The following HPCAL1 variants were observed in gnomAD, a reference collection of about 807,000 sequenced individuals.
HPCAL1 encodes hippocalcin like 1.
In HPCAL1, 8 loss-of-function variants were observed where a neutral mutation model predicts 17.1. That is an observed-to-expected ratio of 0.47 (90% CI 0.27 to 0.84). The LOEUF (loss-of-function observed/expected upper bound fraction) is 0.84, where lower values mean the gene tolerates loss of function less well. HPCAL1 is among the 40% of genes least tolerant of loss of function. The pLI, the probability that HPCAL1 is intolerant of heterozygous loss-of-function variation, is 0.13. For missense variants in HPCAL1, 165 were observed against 271.1 expected (o/e 0.61, Z 2.75); for synonymous variants, 112 against 111.4 (o/e 1.01, Z -0.03).
chr2:10,323,218 C>T lies in HPCAL1; in HGVS notation c.-111+20041C>T, dbSNP rs189732866. 1.3e-5 allele frequency among the ~76,000 whole-genome samples: 2 copies of T among 152,328 alleles called. No homozygotes were observed. Among genetic ancestry groups the T allele is most frequent in the African/African-American group, 4.8e-5 (2 of 41,582 alleles). Reference sequence around the variant, plus strand: ...GAGTCCCAGCGTGTATGCATGGGGTCACGGTGCTCCACGCTCTCAACCGTT... The same window carrying T: ...GAGTCCCAGCGTGTATGCATGGGGTTACGGTGCTCCACGCTCTCAACCGTT... On this transcript the variant is annotated intron_variant, in intron 1 of 4. Transcript: ENST00000307845. The surrounding 1 kb of genome is among the most constrained non-coding windows in gnomAD (Gnocchi z 4.6).
intron 1 of HPCAL1, among the ~76,000 whole-genome samples, chr2:10,309,260 C>T (rs1572606197): frequency 1.3e-5 from 2 of 152,070 alleles, no homozygotes; most frequent in African/African-American, 4.8e-5. Context: ...TCTTGAGCTC[C>T]CGGGCTCAAA....
At chr2:10,370,197 C>A (rs1667122667) in intron 1 of HPCAL1, among the ~76,000 whole-genome samples, 1 of 152,268 alleles carries the variant, frequency 6.6e-6, no homozygotes, top group Non-Finnish European at 1.5e-5. Flanking sequence ...GGCTCCCTTC[C>A]CATTCCCCAA....
chr2:10,309,297 G>A (rs1662812356), intron 1 of HPCAL1, among the ~76,000 whole-genome samples: 1 of 152,192 alleles, frequency 6.6e-6, no homozygotes, highest in Non-Finnish European at 1.5e-5. Context: ...GCCTCTCAAA[G>A]TGCTGGAATT....
At chr2:10,381,573 C>T (rs1667941884) in intron 1 of HPCAL1, among the ~76,000 whole-genome samples, 2 of 152,168 alleles carry the variant, frequency 1.3e-5, no homozygotes, top group African/African-American at 4.8e-5. Context: ...ATATCACCTC[C>T]TGCCCAGGTG....
At chr2:10,416,446 C>T (rs1670681104) in intron 2 of HPCAL1, among the ~76,000 whole-genome samples, 2 of 152,172 alleles carry the variant, frequency 1.3e-5, no homozygotes, top group African/African-American at 4.8e-5. Flanking sequence ...CGAGAGCTGT[C>T]AGTGACAGCA....
In HPCAL1 at chr2:10,394,668, G is replaced by A. The variant is rs1452035891; in HGVS notation, c.-110-2167G>A. Among the ~76,000 whole-genome samples the A allele has an allele frequency of 2.6e-5, 4 of 152,224 alleles. No individual in the cohort carries two copies. The highest frequency in any genetic ancestry group is 9.7e-5 in the African/African-American group (4 of 41,450). ...GATGATGGTCAGTGCAGGTCCCTCA[G>A]TTGTAACAAATGGCCTGCTCTGGCA... is the stretch of plus-strand genomic sequence containing the variant. On this transcript the variant is annotated intron_variant, in intron 1 of 4. Transcript: ENST00000307845. The surrounding 1 kb of genome is among the most constrained non-coding windows in gnomAD (Gnocchi z 5.0).
chr2:10,412,107 T>C (rs1202556792), intron 2 of HPCAL1, among the ~76,000 whole-genome samples: 1 of 152,240 alleles, frequency 6.6e-6, no homozygotes, highest in Non-Finnish European at 1.5e-5. Flanking sequence ...TCCTGATGTG[T>C]TGCAGTGGGA....
intron 1 of HPCAL1, among the ~76,000 whole-genome samples, chr2:10,387,315 G>A (rs564591862): frequency 7.9e-5 from 12 of 152,408 alleles, no homozygotes; most frequent in African/African-American, 2.9e-4. Flanking sequence ...GGAGGAAGCA[G>A]TCCTGGAGGA....
At chr2:10,324,461 C>T (rs117641539) in intron 1 of HPCAL1, 1 of 152,322 alleles carries the variant, frequency 6.6e-6, no homozygotes, top group East Asian at 1.9e-4. Context: ...AGTCCCTTCC[C>T]CTTTTGCCTC....
At position 10,330,374 on chromosome 2, in the gene HPCAL1, C is replaced by T. The variant is rs1238041787; in HGVS notation, c.-111+27197C>T. ...CAGCTTTGGAGCAAGGGCCACCCTGCCCCTCCCCACCAAGCCCTGAGTCGT... is the reference window on the plus strand; with the variant it reads ...CAGCTTTGGAGCAAGGGCCACCCTGTCCCTCCCCACCAAGCCCTGAGTCGT... On this transcript the variant is annotated intron_variant, in intron 1 of 4. Transcript: ENST00000307845. This position sits in a 1 kb window ranked among gnomAD's most constrained non-coding sequence, Gnocchi z 4.2. Among the ~76,000 whole-genome samples the T allele has an allele frequency of 2.0e-5, 3 of 152,214 alleles. No homozygotes were observed. Among genetic ancestry groups the T allele is most frequent in the African/African-American group, 7.2e-5 (3 of 41,454 alleles).
chr2:10,423,003 G>T lies in HPCAL1; in HGVS notation c.399G>T (p.Ser133=). 1 of 1,613,412 alleles carries T rather than the reference G, an allele frequency of 6.2e-7. No homozygotes were observed. The highest frequency in any genetic ancestry group is 8.5e-7 in the Non-Finnish European group (1 of 1,179,770). Residue 133 remains serine, a synonymous_variant, in exon 4 of 5, where the codon TCG becomes TCT. Coordinates refer to ENST00000307845, the MANE Select transcript of HPCAL1 (RefSeq NM_002149.4). Reference sequence around the variant, plus strand: ...CGCAGGCCATCTACAAGATGGTGTCGTCTGTGATGAAGATGCCGGAGGATG... The same window carrying T: ...CGCAGGCCATCTACAAGATGGTGTCTTCTGTGATGAAGATGCCGGAGGATG... ...EIVQAIYKMV[S]SVMKMPEDES... is the part of the protein sequence containing the mutation.
chr2:10,345,370 A>G (rs1665369062), intron 1 of HPCAL1, among the ~76,000 whole-genome samples: 1 of 152,136 alleles, frequency 6.6e-6, no homozygotes, highest in Admixed American at 6.5e-5. Flanking sequence ...CTTCATTTGT[A>G]AAATGGAAGC....
chr2:10,405,555 C>T (rs1669916315), intron 2 of HPCAL1, among the ~76,000 whole-genome samples: 1 of 152,236 alleles, frequency 6.6e-6, no homozygotes, highest in Non-Finnish European at 1.5e-5. Flanking sequence ...ACCTCTTGGC[C>T]TGGAACATCA....
intron 1 of HPCAL1, among the ~76,000 whole-genome samples, chr2:10,355,958 G>A (rs1572706225): frequency 6.6e-6 from 1 of 152,240 alleles, no homozygotes. Context: ...CTTGGAGAGT[G>A]CATTCTCTTC....
chr2:10,306,171 C>G (rs1269368589), intron 1 of HPCAL1, among the ~76,000 whole-genome samples: 1 of 152,180 alleles, frequency 6.6e-6, no homozygotes, highest in Non-Finnish European at 1.5e-5. Flanking sequence ...GAATTTTTAT[C>G]TAGATTGGGG....
chr2:10,426,917 TC>T lies in HPCAL1; in HGVS notation c.*99del. Reference sequence around the variant, plus strand: ...GGATGCCCCGCAATCGTTCCTGCTCTCCCGGGCCCCGGGCCTGGGGCATGCG... The same window carrying T: ...GGATGCCCCGCAATCGTTCCTGCTCTCCGGGCCCCGGGCCTGGGGCATGCG... On this transcript the variant is annotated 3_prime_UTR_variant, in exon 5 of 5. Coordinates refer to ENST00000307845, the MANE Select transcript of HPCAL1 (RefSeq NM_002149.4). 8.2e-7 allele frequency: 1 copy of T among 1,221,302 alleles called. No homozygotes were observed. Among genetic ancestry groups the T allele is most frequent in the Admixed American group, 1.8e-5 (1 of 56,290 alleles). The allele number at this position is 1,221,302 out of a possible 1,614,324, so 75.7% of individuals were successfully genotyped here.
chr2:10,359,769 C>A lies in HPCAL1; in HGVS notation c.-110-37066C>A, dbSNP rs35235974. 8.7e-4 allele frequency among the ~76,000 whole-genome samples: 132 copies of A among 152,340 alleles called. No individual in the cohort carries two copies. The highest frequency in any genetic ancestry group is 1.3e-3 in the Non-Finnish European group (90 of 68,026). On this transcript the variant is annotated intron_variant, in intron 1 of 4. Transcript: ENST00000307845. The surrounding 1 kb of genome is among the most constrained non-coding windows in gnomAD (Gnocchi z 4.1). ...GAGGAAGGGGCCTTACCCAGATCCC[C>A]GTGTCCCCCACAGCGGTGGCGGTTT...
intron 3 of HPCAL1, 74 bp downstream of exon 3, chr2:10,420,209 CTTTTTTT>C: frequency 1.6e-5 from 9 of 571,270 alleles, no homozygotes; most frequent in Middle Eastern, 5.0e-4. Context: ...CAGCCCAGGG[CTTTTTTT>C]TTTTTTTTTT....
intron 1 of HPCAL1, among the ~76,000 whole-genome samples, chr2:10,389,401 C>T (rs547247513): frequency 6.6e-6 from 1 of 152,220 alleles, no homozygotes; most frequent in Non-Finnish European, 1.5e-5. Flanking sequence ...ACCACCGGCT[C>T]ACCCTTGAAT....
Sources: gnomAD v4.1 joint callset for allele counts (sites outside exome capture counted in the v4.1 genomes callset) on GRCh38, gnomAD v4.1.1 for gene constraint, Gnocchi (gnomAD v3.1) non-coding constraint, MANE v1.5 for transcripts, NCBI Gene and HGNC (gene_info 2026-07-23, HGNC 2026-07-21) for gene names.